The following DLG2 variants were observed in gnomAD, a reference collection of about 807,000 sequenced individuals.
The protein encoded by DLG2 is discs large MAGUK scaffold protein 2.
A neutral mutation model predicts 132.5 loss-of-function variants in DLG2; 45 were observed. The observed-to-expected ratio is 0.34, with a 90% confidence interval of 0.27 to 0.44. DLG2 has a LOEUF of 0.44. DLG2 is among the 20% of genes least tolerant of loss of function. DLG2 has a pLI of 1.00. For missense variants in DLG2, 1,045 were observed against 1,196.9 expected (o/e 0.87, Z 1.87); for synonymous variants, 424 against 419.6 (o/e 1.01, Z -0.13).
intron 18 of DLG2, among the ~76,000 whole-genome samples, chr11:83,711,331 A>T (rs184704537): frequency 7.6e-4 from 116 of 152,322 alleles, no homozygotes; most frequent in African/African-American, 2.7e-3. Context: ...TTAGACAGAT[A>T]ACTAGCTTCC....
intron 3 of DLG2, among the ~76,000 whole-genome samples, chr11:85,583,128 G>GTATATATATATATA (rs1288807092): frequency 7.3e-5 from 2 of 27,424 alleles, no homozygotes; most frequent in Non-Finnish European, 1.5e-4. Flanking sequence ...GTGTGTGTGT[G>GTATATATATATATA]TGTATATATA....
At chr11:84,159,783 T>A (rs2095506491) in intron 9 of DLG2, among the ~76,000 whole-genome samples, 1 of 152,166 alleles carries the variant, frequency 6.6e-6, no homozygotes, top group African/African-American at 2.4e-5. Flanking sequence ...AGGCATGGGA[T>A]GAAATTGGTT....
At chr11:85,291,937 C>T (rs2078919879) in intron 3 of DLG2, among the ~76,000 whole-genome samples, 1 of 152,180 alleles carries the variant, frequency 6.6e-6, no homozygotes, top group African/African-American at 2.4e-5. Context: ...TGCTTTAAGA[C>T]ATATGCCTTA....
intron 6 of DLG2, among the ~76,000 whole-genome samples, chr11:84,736,310 G>T (rs1424806411): frequency 1.3e-5 from 2 of 151,344 alleles, no homozygotes; most frequent in Non-Finnish European, 3.0e-5. Context: ...GTTCTTCTTT[G>T]ATCTCCAACT....
intron 6 of DLG2, among the ~76,000 whole-genome samples, chr11:84,844,101 ATGTTTG>A (rs1380461385): frequency 1.3e-5 from 1 of 79,860 alleles, no homozygotes; most frequent in African/African-American, 4.8e-5. Context: ...ATATATATAT[ATGTTTG>A]TGTGTGTGTG....
intron 3 of DLG2, among the ~76,000 whole-genome samples, chr11:85,475,439 T>A (rs1399169314): frequency 6.6e-6 from 1 of 152,070 alleles, no homozygotes; most frequent in Non-Finnish European, 1.5e-5. Flanking sequence ...ATGCCAATTT[T>A]ATTTATGTGT....
chr11:84,927,895 C>T (rs2047589416), intron 6 of DLG2, among the ~76,000 whole-genome samples: 1 of 151,828 alleles, frequency 6.6e-6, no homozygotes, highest in Non-Finnish European at 1.5e-5. Context: ...CTCCATACCC[C>T]AGACCTACTG....
intron 6 of DLG2, among the ~76,000 whole-genome samples, chr11:84,688,675 T>C (rs2057655061): frequency 6.6e-6 from 1 of 152,160 alleles, no homozygotes; most frequent in African/African-American, 2.4e-5. Flanking sequence ...TTAATAAGCA[T>C]AAATCTGGCT....
intron 7 of DLG2, among the ~76,000 whole-genome samples, chr11:84,491,600 A>G (rs2099165389): frequency 6.6e-6 from 1 of 152,134 alleles, no homozygotes. Context: ...GGTTTCTAAT[A>G]TGGTGAACAC....
chr11:83,848,188 GTGTT>G (rs1456069763), intron 16 of DLG2, among the ~76,000 whole-genome samples: 6 of 141,374 alleles, frequency 4.2e-5, no homozygotes, highest in Admixed American at 7.1e-5. Flanking sequence ...TAAATTAATT[GTGTT>G]TGTTTGTTTG....
chr11:83,499,243 T>A (rs964397895), intron 21 of DLG2, among the ~76,000 whole-genome samples: 2 of 152,154 alleles, frequency 1.3e-5, no homozygotes, highest in African/African-American at 4.8e-5. Flanking sequence ...TTGACAAAGA[T>A]ATCACGAGAA....
At chr11:85,019,896 T>C (rs1295002904) in intron 6 of DLG2, among the ~76,000 whole-genome samples, 1 of 152,232 alleles carries the variant, frequency 6.6e-6, no homozygotes, top group Non-Finnish European at 1.5e-5. Context: ...GTTCCAGTTC[T>C]TTGCTATCGT....
chr11:83,459,744 C>G lies in DLG2; in HGVS notation c.*74G>C. The G allele has an allele frequency of 2.5e-6, 2 of 789,240 alleles. No homozygotes were observed. The highest frequency in any genetic ancestry group is 3.2e-5 in the South Asian group (2 of 63,372). 48.9% of individuals were successfully genotyped at this position (789,240 alleles called of 1,614,324 possible). On this transcript the variant is annotated 3_prime_UTR_variant, in exon 28 of 28. Coordinates refer to ENST00000376104, the MANE Select transcript of DLG2 (RefSeq NM_001142699.3). ...ATAAATGCAACAAAAACATAAAAGCCTCCAAGTAGTATGTTATATATATTT... is the reference window on the plus strand; with the variant it reads ...ATAAATGCAACAAAAACATAAAAGCGTCCAAGTAGTATGTTATATATATTT...
At chr11:84,343,791 GAATTT>G (rs1342876282) in intron 7 of DLG2, among the ~76,000 whole-genome samples, 1 of 152,036 alleles carries the variant, frequency 6.6e-6, no homozygotes, top group Non-Finnish European at 1.5e-5. Flanking sequence ...CCACCTAATT[GAATTT>G]ATTTAAAATA....
chr11:83,798,242 G>A (rs1398987910), intron 17 of DLG2, among the ~76,000 whole-genome samples: 1 of 152,188 alleles, frequency 6.6e-6, no homozygotes, highest in East Asian at 1.9e-4. Context: ...ATGACTTTGG[G>A]TAAGTTCCTT....
At chr11:83,812,125 AGCCACATGTCATGCT>A (rs2047461126) in intron 17 of DLG2, among the ~76,000 whole-genome samples, 1 of 152,118 alleles carries the variant, frequency 6.6e-6, no homozygotes, top group Admixed American at 6.6e-5. Context: ...TCTTCTTCGT[AGCCACATGTCATGCT>A]GCCACCCTTG....
chr11:85,591,583 A>C (rs1218439541), intron 3 of DLG2, among the ~76,000 whole-genome samples: 2 of 152,188 alleles, frequency 1.3e-5, no homozygotes, highest in African/African-American at 4.8e-5. Flanking sequence ...TACTAAAAAA[A>C]AATACAAAAA....
chr11:84,687,466 T>G (rs1220262612), intron 6 of DLG2, among the ~76,000 whole-genome samples: 1 of 152,176 alleles, frequency 6.6e-6, no homozygotes, highest in African/African-American at 2.4e-5. Flanking sequence ...TATTTTCCCA[T>G]GTAAAATTTT....
At chr11:83,821,240 G>C (rs777789537) in intron 17 of DLG2, among the ~76,000 whole-genome samples, 2 of 152,174 alleles carry the variant, frequency 1.3e-5, no homozygotes, top group Non-Finnish European at 2.9e-5. Context: ...TTGGGAATTT[G>C]AAAGAGAGAA....
Sources: gnomAD v4.1 joint callset for allele counts (sites outside exome capture counted in the v4.1 genomes callset) on GRCh38, gnomAD v4.1.1 for gene constraint, MANE v1.5 for transcripts, NCBI Gene and HGNC (gene_info 2026-07-23, HGNC 2026-07-21) for gene names.